The following PDZRN4 variants were observed in gnomAD, a reference collection of about 807,000 sequenced individuals.
The protein encoded by PDZRN4 is PDZ domain containing ring finger 4.
Under a neutral mutation model 99.0 loss-of-function variants are expected in PDZRN4, and 70 were observed. The observed-to-expected ratio is 0.71, with a 90% confidence interval of 0.58 to 0.86. The LOEUF (loss-of-function observed/expected upper bound fraction) is 0.86. PDZRN4 is among the 40% of genes least tolerant of loss of function. The pLI is 0.00. For missense variants in PDZRN4, 1,474 were observed against 1,331.2 expected (o/e 1.11, Z -1.67); for synonymous variants, 551 against 501.6 (o/e 1.10, Z -1.32).
intron 3 of PDZRN4, among the ~76,000 whole-genome samples, chr12:41,384,813 T>C (rs907974145): frequency 1.3e-5 from 2 of 152,108 alleles, no homozygotes; most frequent in Non-Finnish European, 2.9e-5. Flanking sequence ...AGGGAAATAA[T>C]AATACTAGAA....
intron 3 of PDZRN4, among the ~76,000 whole-genome samples, chr12:41,377,819 C>T (rs540585793): frequency 5.3e-5 from 8 of 152,034 alleles, no homozygotes; most frequent in Non-Finnish European, 1.2e-4. Context: ...TATTACTTTT[C>T]TATGTTGTTT....
At chr12:41,268,451 G>A (rs1401706088) in intron 3 of PDZRN4, among the ~76,000 whole-genome samples, 2 of 152,300 alleles carry the variant, frequency 1.3e-5, no homozygotes, top group East Asian at 1.9e-4. Context: ...CTGTTCACAC[G>A]TGTTTTCTTG....
intron 3 of PDZRN4, among the ~76,000 whole-genome samples, chr12:41,351,298 G>T (rs2121039650): frequency 6.6e-6 from 1 of 152,186 alleles, no homozygotes; most frequent in Non-Finnish European, 1.5e-5. Context: ...TTAGGTAGTA[G>T]TATGGTGTTG....
At chr12:41,393,200 G>C (rs1395028445) in intron 3 of PDZRN4, among the ~76,000 whole-genome samples, 1 of 152,162 alleles carries the variant, frequency 6.6e-6, no homozygotes, top group Non-Finnish European at 1.5e-5. Context: ...TTTAAATCAT[G>C]CAGTAGTTTT....
chr12:41,420,106 C>G lies in PDZRN4; in HGVS notation c.844-86350C>G, dbSNP rs140426476. On this transcript the variant is annotated intron_variant, in intron 3 of 9. Coordinates refer to ENST00000402685, the MANE Select transcript of PDZRN4 (RefSeq NM_001164595.2). ...ACCTCACTTCCTGCATTACTGAGTG[C>G]AAGGATATCTGAAGTGAGTTCATTC... is the stretch of plus-strand genomic sequence containing the variant. Among the ~76,000 whole-genome samples the G allele has an allele frequency of 7.5e-4, 114 of 152,256 alleles. 1 individual carries two copies. Among genetic ancestry groups the G allele is most frequent in the African/African-American group, 2.5e-3 (104 of 41,558 alleles).
intron 3 of PDZRN4, among the ~76,000 whole-genome samples, chr12:41,371,887 T>C (rs1952044932): frequency 6.6e-6 from 1 of 152,132 alleles, no homozygotes; most frequent in Non-Finnish European, 1.5e-5. Context: ...ACCTAGCTAA[T>C]TTATGTCTGG....
intron 3 of PDZRN4, among the ~76,000 whole-genome samples, chr12:41,265,762 T>C (rs73120962): frequency 1.3e-5 from 2 of 152,144 alleles, no homozygotes; most frequent in Non-Finnish European, 2.9e-5. Flanking sequence ...CTTAAATCAA[T>C]GTATTGTAAA....
chr12:41,448,388 C>T (rs1952747281), intron 3 of PDZRN4, among the ~76,000 whole-genome samples: 1 of 152,138 alleles, frequency 6.6e-6, no homozygotes, highest in East Asian at 1.9e-4. Flanking sequence ...ATGGCTCAAT[C>T]CAAAGTTTGC....
chr12:41,432,475 C>T (rs1714558301), intron 3 of PDZRN4, among the ~76,000 whole-genome samples: 1 of 152,166 alleles, frequency 6.6e-6, no homozygotes, highest in African/African-American at 2.4e-5. Context: ...ATTTGCCCAA[C>T]TCAGGCATGC....
chr12:41,319,532 A>G (rs1225085231), intron 3 of PDZRN4, among the ~76,000 whole-genome samples: 1 of 151,964 alleles, frequency 6.6e-6, no homozygotes, highest in Non-Finnish European at 1.5e-5. Flanking sequence ...GCTCCTCCTC[A>G]ATGCCACATC....
chr12:41,354,033 T>C (rs12320978), intron 3 of PDZRN4, among the ~76,000 whole-genome samples: 2,600 of 152,148 alleles, frequency 0.017, 63 homozygotes, highest in African/African-American at 0.058. Flanking sequence ...AGACGGTAAC[T>C]AGAATGATCA....
At chr12:41,339,082 A>G (rs1170218988) in intron 3 of PDZRN4, among the ~76,000 whole-genome samples, 2 of 151,832 alleles carry the variant, frequency 1.3e-5, no homozygotes, top group African/African-American at 4.8e-5. Context: ...CCTAAAATTT[A>G]TATGGAACCA....
chr12:41,471,038 T>G (rs1323356412), intron 3 of PDZRN4, among the ~76,000 whole-genome samples: 2 of 152,164 alleles, frequency 1.3e-5, no homozygotes. Flanking sequence ...GTGCAAATCC[T>G]CTACTTAGCA....
intron 3 of PDZRN4, among the ~76,000 whole-genome samples, chr12:41,320,415 A>T (rs1951668224): frequency 1.3e-5 from 2 of 152,208 alleles, no homozygotes; most frequent in Non-Finnish European, 2.9e-5. Context: ...TGCTGCTGAG[A>T]ACTCAGTTAT....
At chr12:41,525,620 A>G (rs1938555499) in intron 5 of PDZRN4, among the ~76,000 whole-genome samples, 1 of 152,118 alleles carries the variant, frequency 6.6e-6, no homozygotes, top group Non-Finnish European at 1.5e-5. Context: ...ATCTACGTAG[A>G]TTTGTTATAT....
At chr12:41,533,834 T>C (rs1432051420) in intron 5 of PDZRN4, among the ~76,000 whole-genome samples, 1 of 152,200 alleles carries the variant, frequency 6.6e-6, no homozygotes, top group Admixed American at 6.5e-5. Flanking sequence ...TTTAATTACA[T>C]TACATCATAC....
intron 4 of PDZRN4, among the ~76,000 whole-genome samples, chr12:41,507,985 A>G (rs1235193384): frequency 6.6e-6 from 1 of 152,218 alleles, no homozygotes; most frequent in Non-Finnish European, 1.5e-5. Flanking sequence ...CATAGTAGCC[A>G]TCCAACAAAT....
chr12:41,357,593 T>A (rs1031156213), intron 3 of PDZRN4, among the ~76,000 whole-genome samples: 2 of 152,018 alleles, frequency 1.3e-5, no homozygotes, highest in Non-Finnish European at 2.9e-5. Context: ...TATAAGTTGA[T>A]CTTACATCAA....
intron 3 of PDZRN4, among the ~76,000 whole-genome samples, chr12:41,393,482 G>A (rs1310438502): frequency 1.4e-5 from 2 of 145,516 alleles, no homozygotes; most frequent in South Asian, 2.3e-4. Context: ...ATGAGCTCAG[G>A]AAAGATCTAG....
Sources: allele counts gnomAD v4.1 joint callset (sites outside exome capture counted in the v4.1 genomes callset), GRCh38; gene constraint gnomAD v4.1.1; transcripts MANE v1.5; gene names NCBI Gene and HGNC (gene_info 2026-07-23, HGNC 2026-07-21).